TFDP2: variants seen among roughly 807,000 people sequenced by gnomAD.
TFDP2 encodes transcription factor Dp-2 (E2F dimerization partner 2).
A neutral mutation model predicts 59.3 loss-of-function variants in TFDP2; 17 were observed. The ratio of observed to expected loss-of-function variants is 0.29; its 90% CI spans 0.20 to 0.43. The LOEUF is 0.43. Ranked by LOEUF, TFDP2 falls within the 20% of genes least tolerant of loss-of-function variation. The pLI, the probability that TFDP2 is intolerant of heterozygous loss-of-function variation, is 1.00. For synonymous variants in TFDP2, 180 were observed against 194.7 expected (o/e 0.92, Z 0.63); for missense variants, 391 against 528.8 (o/e 0.74, Z 2.56).
In TFDP2 at chr3:142,121,559, T is replaced by A. The variant is rs1217266070; in HGVS notation, c.-92-19718A>T. On this transcript the variant is annotated intron_variant, in intron 1 of 12. Coordinates refer to ENST00000489671, the MANE Select transcript of TFDP2 (RefSeq NM_001178139.2). This position sits in a 1 kb window ranked among gnomAD's most constrained non-coding sequence, Gnocchi z 4.3. ...ACACAGAAACCTAAGCACTTTACGG[T>A]CAATCCAACTATTGTATTAAACCAG... Among the ~76,000 whole-genome samples, 1 of 152,192 alleles carries A rather than the reference T, an allele frequency of 6.6e-6. No individual in the cohort carries two copies. The highest frequency in any genetic ancestry group is 1.5e-5 in the Non-Finnish European group (1 of 68,026).
intron 11 of TFDP2, among the ~76,000 whole-genome samples, chr3:141,956,405 A>G (rs1936653968): frequency 6.6e-6 from 1 of 152,050 alleles, no homozygotes; most frequent in Non-Finnish European, 1.5e-5. Flanking sequence ...TACAAAAATT[A>G]GCTGGGCGTG....
chr3:141,990,631 T>C (rs758128638), intron 6 of TFDP2, among the ~76,000 whole-genome samples: 3 of 152,200 alleles, frequency 2.0e-5, no homozygotes, highest in Non-Finnish European at 4.4e-5. Flanking sequence ...TATGAACTTA[T>C]AGAGTGTTTA....
At chr3:142,144,246 T>C (rs1224623939) in intron 1 of TFDP2, among the ~76,000 whole-genome samples, 1 of 151,958 alleles carries the variant, frequency 6.6e-6, no homozygotes, top group Non-Finnish European at 1.5e-5. Flanking sequence ...TGGTGGCACA[T>C]GCCTATAATC....
intron 3 of TFDP2, among the ~76,000 whole-genome samples, chr3:142,085,372 C>G (rs887267299): frequency 6.8e-6 from 1 of 146,150 alleles, no homozygotes; most frequent in Admixed American, 6.6e-5. Context: ...CTCAAGTACT[C>G]CATAAATATA....
chr3:141,961,047 C>T (rs767001464), intron 10 of TFDP2, among the ~76,000 whole-genome samples: 5 of 152,144 alleles, frequency 3.3e-5, no homozygotes, highest in Admixed American at 6.6e-5. Context: ...ACAGTGTCCA[C>T]AATACCCTAG....
At chr3:142,023,517 C>T (rs1461399797) in intron 3 of TFDP2, among the ~76,000 whole-genome samples, 1 of 152,006 alleles carries the variant, frequency 6.6e-6, no homozygotes, top group Non-Finnish European at 1.5e-5. Flanking sequence ...AAACGTAAAA[C>T]TTTAGGATAC....
Position 141,970,141 on chromosome 3 carries a change from T to C in TFDP2, c.664A>G (p.Ile222Val), listed in dbSNP as rs1488238274. 2 of 1,613,908 alleles carry C rather than the reference T, an allele frequency of 1.2e-6. No individual in the cohort carries two copies. Among genetic ancestry groups the C allele is most frequent in the Non-Finnish European group, 8.5e-7 (1 of 1,179,852 alleles). The change falls in exon 9 of 13, where the codon ATA (isoleucine) becomes GTA (valine). Residue 222 changes from isoleucine to valine, a missense_variant and splice_region_variant. Coordinates refer to ENST00000489671, the MANE Select transcript of TFDP2 (RefSeq NM_001178139.2). ...NSAQECQNLE[I>V]EKQRRIERIK... ...CGTTCTATCCGCCTCTGCTTCTCTA[T>C]CTTTAAAACATTGGTTACAAAATAA...
intron 7 of TFDP2, among the ~76,000 whole-genome samples, chr3:141,976,564 G>A (rs530769801): frequency 3.6e-4 from 55 of 152,322 alleles, no homozygotes; most frequent in African/African-American, 1.3e-3. Context: ...GAAGCCATAT[G>A]AATACCTAGC....
chr3:142,139,089 T>C (rs186750525), intron 1 of TFDP2, among the ~76,000 whole-genome samples: 1 of 152,374 alleles, frequency 6.6e-6, no homozygotes, highest in Admixed American at 6.5e-5. Context: ...TTAGCTCTTC[T>C]TGTTGAATTG....
Position 141,946,467 on chromosome 3 carries a change from A to T in TFDP2, c.*6046T>A, listed in dbSNP as rs1935261031. The T allele has an allele frequency of 6.6e-6, 1 of 152,214 alleles. No individual in the cohort carries two copies. The highest frequency in any genetic ancestry group is 6.5e-5 in the Admixed American group (1 of 15,278). The allele number at this position is 152,214 out of a possible 1,614,324, so 9.4% of individuals were successfully genotyped here. On this transcript the variant is annotated 3_prime_UTR_variant, in exon 13 of 13. Coordinates refer to ENST00000489671, the MANE Select transcript of TFDP2 (RefSeq NM_001178139.2). ...ACAGCTGCACAGAATACACATTATA[A>T]ATGAGCACTTTCTCCTATCTCAGCA...
intron 3 of TFDP2, among the ~76,000 whole-genome samples, chr3:142,050,333 T>C (rs1312044306): frequency 1.3e-5 from 2 of 151,886 alleles, no homozygotes; most frequent in Non-Finnish European, 2.9e-5. Flanking sequence ...TTTACTCTTA[T>C]CCCAGACACC....
intron 3 of TFDP2, among the ~76,000 whole-genome samples, chr3:142,010,620 A>C (rs1414530110): frequency 2.0e-5 from 3 of 151,272 alleles, no homozygotes; most frequent in East Asian, 1.9e-4. Flanking sequence ...AAAAAAAAAA[A>C]AAAAAAAAAC....
intron 4 of TFDP2, among the ~76,000 whole-genome samples, chr3:141,998,903 T>C (rs542237297): frequency 1.3e-5 from 2 of 152,314 alleles, no homozygotes; most frequent in East Asian, 1.9e-4. Context: ...ACAGCATATG[T>C]ATTCTAAAGG....
intron 4 of TFDP2, among the ~76,000 whole-genome samples, chr3:142,001,325 G>A (rs1167961052): frequency 6.6e-6 from 1 of 152,170 alleles, no homozygotes; most frequent in African/African-American, 2.4e-5. Context: ...ACCTGGAATG[G>A]CTAAGGAGCA....
intron 3 of TFDP2, among the ~76,000 whole-genome samples, chr3:142,031,587 G>A (rs947677826): frequency 1.3e-5 from 2 of 152,186 alleles, no homozygotes; most frequent in African/African-American, 4.8e-5. Flanking sequence ...TGATAAAAAT[G>A]CAGATTATAT....
At chr3:141,970,167 T>C (rs1422543392) in intron 8 of TFDP2, 26 bp from the exon 9 acceptor site, 1 of 1,603,018 alleles carries the variant, frequency 6.2e-7, no homozygotes, top group African/African-American at 1.3e-5. Context: ...TACAAAATAA[T>C]ATGAACATAG....
chr3:141,963,847 T>C lies in TFDP2; in HGVS notation c.849A>G (p.Arg283=). The change falls in exon 10 of 13, where the codon AGA becomes AGG. Residue 283 remains arginine (R), a synonymous_variant. Coordinates refer to ENST00000489671, the MANE Select transcript of TFDP2 (RefSeq NM_001178139.2). ...QLPFIIINTS[R]KTVIDCSISS... ...AGATGCTGCAATCTATGACTGTTTTTCTGCTTGTATTGATGATTATGAATG... is the reference window on the plus strand; with the variant it reads ...AGATGCTGCAATCTATGACTGTTTTCCTGCTTGTATTGATGATTATGAATG... 3.7e-6 allele frequency: 6 copies of C among 1,613,664 alleles called. No individual in the cohort carries two copies. The highest frequency in any genetic ancestry group is 5.1e-6 in the Non-Finnish European group (6 of 1,179,942).
At chr3:142,053,627 A>G (rs774080211) in intron 3 of TFDP2, among the ~76,000 whole-genome samples, 2 of 152,234 alleles carry the variant, frequency 1.3e-5, no homozygotes, top group Admixed American at 6.5e-5. Context: ...TTAAAAAGTT[A>G]AGACTGAGAA....
chr3:142,122,640 T>C (rs2062089146), intron 1 of TFDP2, among the ~76,000 whole-genome samples: 1 of 152,032 alleles, frequency 6.6e-6, no homozygotes, highest in African/African-American at 2.4e-5. Flanking sequence ...TTGTCCCAAA[T>C]AGAGACAAGT....
Sources: allele counts gnomAD v4.1 joint callset (sites outside exome capture counted in the v4.1 genomes callset), GRCh38; gene constraint gnomAD v4.1.1; non-coding constraint Gnocchi (gnomAD v3.1); transcripts MANE v1.5; gene names NCBI Gene and HGNC (gene_info 2026-07-23, HGNC 2026-07-21).